The following UBASH3B variants were observed in gnomAD, a reference collection of about 807,000 sequenced individuals.
The protein encoded by UBASH3B is ubiquitin associated and SH3 domain containing B.
UBASH3B carries 37 observed loss-of-function variants against 83.4 expected under a neutral mutation model. That is an observed-to-expected ratio of 0.44 (90% CI 0.34 to 0.58). The LOEUF is 0.58. Ranked by LOEUF, UBASH3B falls within the 20% of genes least tolerant of loss-of-function variation. The probability of loss-of-function intolerance (pLI) is 0.01; values close to 1 mark genes in which losing one functional copy is unlikely to be tolerated. For synonymous variants in UBASH3B, 304 were observed against 318.3 expected (o/e 0.96, Z 0.48); for missense variants, 657 against 827.2 (o/e 0.79, Z 2.52).
At chr11:122,704,634 C>T (rs1281481558) in intron 1 of UBASH3B, among the ~76,000 whole-genome samples, 2 of 151,850 alleles carry the variant, frequency 1.3e-5, no homozygotes, top group Non-Finnish European at 2.9e-5. Context: ...CTCAGCCTCC[C>T]GAGTAGCTGG....
At chr11:122,679,987 C>T (rs2135908081) in intron 1 of UBASH3B, among the ~76,000 whole-genome samples, 1 of 152,060 alleles carries the variant, frequency 6.6e-6, no homozygotes, top group South Asian at 2.1e-4. Flanking sequence ...CCCACCACCA[C>T]AGCCGGCTAA....
At chr11:122,788,863 C>T (rs372237852) in intron 5 of UBASH3B, among the ~76,000 whole-genome samples, 5 of 152,140 alleles carry the variant, frequency 3.3e-5, no homozygotes, top group Non-Finnish European at 5.9e-5. Flanking sequence ...TCTAGACATG[C>T]CTGAAGAAAA....
intron 1 of UBASH3B, among the ~76,000 whole-genome samples, chr11:122,657,315 G>A (rs11601869): frequency 0.34 from 51,558 of 151,236 alleles, 9,010 homozygotes; most frequent in Non-Finnish European, 0.38. Flanking sequence ...TTATTTTTCT[G>A]AGACGGAGTC....
chr11:122,757,380 C>G (rs1195272073), intron 1 of UBASH3B, among the ~76,000 whole-genome samples: 1 of 152,206 alleles, frequency 6.6e-6, no homozygotes, highest in African/African-American at 2.4e-5. Flanking sequence ...CTCCCCAGAG[C>G]TCAGTCATGC....
intron 1 of UBASH3B, among the ~76,000 whole-genome samples, chr11:122,733,531 G>A (rs558138395): frequency 1.3e-5 from 2 of 152,306 alleles, no homozygotes; most frequent in South Asian, 2.1e-4. Flanking sequence ...AGTAATTCCT[G>A]CCATTCAACA....
intron 11 of UBASH3B, among the ~76,000 whole-genome samples, chr11:122,804,524 G>C (rs1297249397): frequency 6.6e-6 from 1 of 152,148 alleles, no homozygotes; most frequent in South Asian, 2.1e-4. Flanking sequence ...TTCAAATCCA[G>C]ATTCTAAGAG....
chr11:122,751,416 T>C (rs977928542), intron 1 of UBASH3B, among the ~76,000 whole-genome samples: 2 of 152,186 alleles, frequency 1.3e-5, no homozygotes, highest in African/African-American at 2.4e-5. Context: ...CATCTGTCCA[T>C]TGGAGGCTCA....
chr11:122,706,673 G>C (rs910579157), intron 1 of UBASH3B, among the ~76,000 whole-genome samples: 17 of 152,194 alleles, frequency 1.1e-4, no homozygotes, highest in African/African-American at 3.9e-4. Flanking sequence ...TAGGCTTTTA[G>C]AGGAACTATG....
chr11:122,761,727 T>C (rs975102379), intron 1 of UBASH3B, among the ~76,000 whole-genome samples: 2 of 151,422 alleles, frequency 1.3e-5, no homozygotes, highest in Admixed American at 6.6e-5. Context: ...TAGTCTCTGT[T>C]GTCATCTGCA....
intron 3 of UBASH3B, among the ~76,000 whole-genome samples, chr11:122,778,703 C>G (rs1860787546): frequency 6.6e-6 from 1 of 151,658 alleles, no homozygotes; most frequent in African/African-American, 2.4e-5. Flanking sequence ...TTCCCGGGTT[C>G]AAGTGATTCT....
At chr11:122,782,979 T>C in intron 4 of UBASH3B, 74 bp from the exon 5 acceptor site, 2 of 1,520,990 alleles carry the variant, frequency 1.3e-6, no homozygotes, top group East Asian at 2.3e-5. Flanking sequence ...TACCTTTCTA[T>C]GCCTTTCCTT....
chr11:122,668,905 T>C (rs1863555330), intron 1 of UBASH3B, among the ~76,000 whole-genome samples: 1 of 152,208 alleles, frequency 6.6e-6, no homozygotes, highest in Admixed American at 6.5e-5. Flanking sequence ...TCAGAGAGGC[T>C]AATTCCGTCA....
At chr11:122,760,998 T>C (rs1235104519) in intron 1 of UBASH3B, among the ~76,000 whole-genome samples, 2 of 152,218 alleles carry the variant, frequency 1.3e-5, no homozygotes, top group Non-Finnish European at 2.9e-5. Context: ...CTGGAAATAA[T>C]GACCAGCAGG....
chr11:122,812,523 AGAG>A lies in UBASH3B; in HGVS notation c.*2641_*2643del, dbSNP rs1269880036. On this transcript the variant is annotated 3_prime_UTR_variant, in exon 14 of 14. Transcript: ENST00000284273. ...TTATTAAAACAAATGATGTATGGGGAGAGGAGAAGGAAGGGCAAGGAAGGAATT... is the reference window on the plus strand; with the variant it reads ...TTATTAAAACAAATGATGTATGGGGAGAGAAGGAAGGGCAAGGAAGGAATT... 2.6e-5 allele frequency: 4 copies of A among 152,320 alleles called. No individual in the cohort carries two copies. Among genetic ancestry groups the A allele is most frequent in the East Asian group, 1.9e-4 (1 of 5,186 alleles). The allele number at this position is 152,320 out of a possible 1,614,324, so 9.4% of individuals were successfully genotyped here. A position where few individuals can be genotyped will look rare whatever the true frequency, so the allele number is the denominator to read the frequency against.
rs371526484 is a variant in UBASH3B at position 122,759,650 on chromosome 11, C to T, written c.162-16569C>T. ...ACAGACTATCAGGCATTAGATTCTC[C>T]TGAGGAGCCTGCAACCTAGATCCCT... On this transcript the variant is annotated intron_variant, in intron 1 of 13. Transcript: ENST00000284273. The surrounding 1 kb of genome is among the most constrained non-coding windows in gnomAD (Gnocchi z 4.1). Among the ~76,000 whole-genome samples the T allele has an allele frequency of 4.3e-4, 65 of 152,278 alleles. No homozygotes were observed. Among genetic ancestry groups the T allele is most frequent in the East Asian group, 4.1e-3 (21 of 5,162 alleles).
Position 122,758,163 on chromosome 11 carries a change from C to CG in UBASH3B, c.162-18051dup, listed in dbSNP as rs2135973859. 6.6e-6 allele frequency among the ~76,000 whole-genome samples: 1 copy of CG among 152,030 alleles called. No homozygotes were observed. The highest frequency in any genetic ancestry group is 2.4e-5 in the African/African-American group (1 of 41,470). ...CCCAGAAGGAAGGCGAAGATGTGGCCGGGGGTGGGGCCGGTCTGGGGGGTA... is the reference window on the plus strand; with the variant it reads ...CCCAGAAGGAAGGCGAAGATGTGGCCGGGGGGTGGGGCCGGTCTGGGGGGTA... On this transcript the variant is annotated intron_variant, in intron 1 of 13. Transcript: ENST00000284273. This position sits in a 1 kb window ranked among gnomAD's most constrained non-coding sequence, Gnocchi z 4.2.
At chr11:122,750,962 G>A (rs1327924793) in intron 1 of UBASH3B, among the ~76,000 whole-genome samples, 1 of 152,226 alleles carries the variant, frequency 6.6e-6, no homozygotes, top group Non-Finnish European at 1.5e-5. Flanking sequence ...TGAGAAAGGT[G>A]CATTGAACAC....
At chr11:122,796,549 T>A (rs1861160797) in intron 8 of UBASH3B, among the ~76,000 whole-genome samples, 1 of 152,094 alleles carries the variant, frequency 6.6e-6, no homozygotes, top group South Asian at 2.1e-4. Flanking sequence ...CGTGCCCTGA[T>A]CCTATGGCCA....
At chr11:122,695,451 C>T (rs964386892) in intron 1 of UBASH3B, among the ~76,000 whole-genome samples, 8 of 152,228 alleles carry the variant, frequency 5.3e-5, no homozygotes, top group African/African-American at 1.9e-4. Flanking sequence ...GGCTCCTCCT[C>T]TGCAAACATG....
Sources: gnomAD v4.1 joint callset for allele counts (sites outside exome capture counted in the v4.1 genomes callset) on GRCh38, gnomAD v4.1.1 for gene constraint, Gnocchi (gnomAD v3.1) non-coding constraint, MANE v1.5 for transcripts, NCBI Gene and HGNC (gene_info 2026-07-23, HGNC 2026-07-21) for gene names.